SMYD3: variants seen among roughly 807,000 people sequenced by gnomAD.
SMYD3 encodes the protein SET and MYND domain containing 3.
In SMYD3, 36 loss-of-function variants were observed where a neutral mutation model predicts 57.7. The ratio of observed to expected loss-of-function variants is 0.62; its 90% CI spans 0.48 to 0.82. The LOEUF is 0.82. Among genes scored for constraint, SMYD3 ranks in the 40% least tolerant of loss-of-function variants. The pLI, the probability that SMYD3 is intolerant of heterozygous loss-of-function variation, is 0.00. For synonymous variants in SMYD3, 211 were observed against 195.0 expected (o/e 1.08, Z -0.68); for missense variants, 515 against 538.8 (o/e 0.96, Z 0.44).
At chr1:246,049,860 CA>C (rs2060037514) in intron 5 of SMYD3, among the ~76,000 whole-genome samples, 2 of 152,198 alleles carry the variant, frequency 1.3e-5, no homozygotes, top group Non-Finnish European at 2.9e-5. Flanking sequence ...TAACCCATCT[CA>C]ATGTTTCAGT....
chr1:245,977,024 TAGCCCAGGGAAAGCCATCGTCTCCGGCCC>T (rs2058456450), intron 5 of SMYD3, among the ~76,000 whole-genome samples: 1 of 10,406 alleles, frequency 9.6e-5, no homozygotes, highest in African/African-American at 1.9e-4. Context: ...CCATCGTCTC[TAGCCCAGGGAAAGCCATCGTCTCCGGCCC>T]AGGGAAAGCC....
intron 5 of SMYD3, among the ~76,000 whole-genome samples, chr1:246,243,459 G>A (rs2063651338): frequency 6.8e-6 from 1 of 146,936 alleles, no homozygotes; most frequent in Admixed American, 7.0e-5. Flanking sequence ...TGTGAATAAT[G>A]TTTTTATCAT....
chr1:246,040,711 G>A (rs1057391390), intron 5 of SMYD3, among the ~76,000 whole-genome samples: 1 of 152,158 alleles, frequency 6.6e-6, no homozygotes, highest in Non-Finnish European at 1.5e-5. Flanking sequence ...TGCTGAGGTG[G>A]TAAAATATTC....
chr1:246,401,037 A>C (rs1395919113), intron 1 of SMYD3, among the ~76,000 whole-genome samples: 1 of 152,226 alleles, frequency 6.6e-6, no homozygotes, highest in Non-Finnish European at 1.5e-5. Context: ...CTTTTTAAAA[A>C]GTATTCGAGG....
chr1:246,205,658 A>G (rs2062988184), intron 5 of SMYD3, among the ~76,000 whole-genome samples: 1 of 151,760 alleles, frequency 6.6e-6, no homozygotes, highest in African/African-American at 2.4e-5. Context: ...CGTCTCTACT[A>G]AAAATACAAA....
intron 5 of SMYD3, among the ~76,000 whole-genome samples, chr1:246,197,955 G>A (rs1166834447): frequency 6.6e-6 from 1 of 152,104 alleles, no homozygotes; most frequent in African/African-American, 2.4e-5. Context: ...GTTTGCCATT[G>A]TAATTGTGGT....
At position 246,049,281 on chromosome 1, in the gene SMYD3, A is replaced by G. The variant is rs142852907; in HGVS notation, c.532-119344T>C. The stretch of plus-strand genomic sequence containing the variant: ...AAAACAGAGTCGTTAAATATATACT[A>G]TGTGTTTTTTTTGTTTGTTTGTTTG... On this transcript the variant is annotated intron_variant, in intron 5 of 11. Transcript: ENST00000490107. Among the ~76,000 whole-genome samples the G allele has an allele frequency of 4.4e-3, 662 of 151,996 alleles. 4 individuals are homozygous for G. The highest frequency in any genetic ancestry group is 0.031 in the Middle Eastern group (9 of 294).
chr1:245,893,385 C>T (rs1274629577), intron 8 of SMYD3, among the ~76,000 whole-genome samples: 1 of 152,160 alleles, frequency 6.6e-6, no homozygotes, highest in African/African-American at 2.4e-5. Context: ...AAAATGAAAA[C>T]TTATATTTGC....
intron 5 of SMYD3, among the ~76,000 whole-genome samples, chr1:246,029,799 TCTTAC>T (rs923013322): frequency 7.9e-5 from 12 of 151,702 alleles, no homozygotes; most frequent in Non-Finnish European, 1.8e-4. Context: ...TGAAATATCA[TCTTAC>T]CACAGTTAGG....
At chr1:245,859,479 C>T (rs796395368) in intron 9 of SMYD3, among the ~76,000 whole-genome samples, 6 of 152,280 alleles carry the variant, frequency 3.9e-5, no homozygotes, top group African/African-American at 1.4e-4. Flanking sequence ...AGTGACTTCG[C>T]TTTTTAAAAC....
chr1:245,909,072 C>T (rs2054781886), intron 8 of SMYD3, among the ~76,000 whole-genome samples: 1 of 151,898 alleles, frequency 6.6e-6, no homozygotes, highest in African/African-American at 2.4e-5. Context: ...ACTTGCTAGA[C>T]TAAGAAAGAA....
intron 10 of SMYD3, among the ~76,000 whole-genome samples, chr1:245,787,930 A>G (rs567405824): frequency 1.3e-5 from 2 of 152,344 alleles, no homozygotes; most frequent in African/African-American, 4.8e-5. Context: ...TGTACTGGTC[A>G]CATGCTCAAC....
At chr1:246,396,531 T>C (rs1229602724) in intron 1 of SMYD3, among the ~76,000 whole-genome samples, 2 of 152,214 alleles carry the variant, frequency 1.3e-5, no homozygotes, top group African/African-American at 4.8e-5. Flanking sequence ...AACAAACTAT[T>C]ATGCAACATC....
At chr1:246,270,389 T>G (rs1293787902) in intron 5 of SMYD3, among the ~76,000 whole-genome samples, 2 of 152,164 alleles carry the variant, frequency 1.3e-5, no homozygotes, top group African/African-American at 4.8e-5. Flanking sequence ...ATTCATAATG[T>G]TGTGCACCAT....
intron 5 of SMYD3, among the ~76,000 whole-genome samples, chr1:246,013,236 G>C (rs1420499238): frequency 6.6e-6 from 1 of 152,164 alleles, no homozygotes; most frequent in Non-Finnish European, 1.5e-5. Context: ...CTAGAGTAAA[G>C]TACTGCGATC....
chr1:246,184,295 C>A (rs1036954903), intron 5 of SMYD3, among the ~76,000 whole-genome samples: 1 of 152,148 alleles, frequency 6.6e-6, no homozygotes, highest in African/African-American at 2.4e-5. Flanking sequence ...AAGTATATTG[C>A]CCTTTTTTCC....
At position 245,976,980 on chromosome 1, in the gene SMYD3, CCAGGGAAAGCCA is replaced by C. The variant is rs1558551168; in HGVS notation, c.532-47055_532-47044del. ...CCTAGGGAAAGCCATCGTCTCCGGCCCAGGGAAAGCCATCGTCTCTAGCCCAGGGAAAGCCAT... is the reference window on the plus strand; with the variant it reads ...CCTAGGGAAAGCCATCGTCTCCGGCCTCGTCTCTAGCCCAGGGAAAGCCAT... On this transcript the variant is annotated intron_variant, in intron 5 of 11. Coordinates refer to ENST00000490107, the MANE Select transcript of SMYD3 (RefSeq NM_001167740.2). Among the ~76,000 whole-genome samples the C allele has an allele frequency of 4.3e-4, 26 of 59,896 alleles. 3 individuals are homozygous for C. The highest frequency in any genetic ancestry group is 1.5e-3 in the East Asian group (3 of 2,002). The allele number at this position is 59,896 out of a possible 152,430, so 39.3% of individuals were successfully genotyped here.
intron 5 of SMYD3, among the ~76,000 whole-genome samples, chr1:246,317,763 T>A (rs1023430366): frequency 6.6e-6 from 1 of 152,160 alleles, no homozygotes; most frequent in African/African-American, 2.4e-5. Context: ...CAATTTAAAA[T>A]AATTTTTTTA....
intron 8 of SMYD3, 32 bp downstream of exon 8, chr1:245,915,498 G>A (rs749588870): frequency 1.5e-6 from 2 of 1,370,838 alleles, no homozygotes; most frequent in Non-Finnish European, 2.1e-6. Context: ...TTTTGCCGTG[G>A]AGGTGTTTCA....
Sources: allele counts gnomAD v4.1 joint callset (sites outside exome capture counted in the v4.1 genomes callset), GRCh38; gene constraint gnomAD v4.1.1; transcripts MANE v1.5; gene names NCBI Gene and HGNC (gene_info 2026-07-23, HGNC 2026-07-21).